Variants in PCDHGA6 observed in about 807,000 individuals in gnomAD.
PCDHGA6 encodes protocadherin gamma-A6.
Under a neutral mutation model 60.6 loss-of-function variants are expected in PCDHGA6, and 41 were observed. That is an observed-to-expected ratio of 0.68 (90% CI 0.53 to 0.88). The LOEUF (loss-of-function observed/expected upper bound fraction) is 0.88. Ranked by LOEUF, PCDHGA6 falls within the 40% of genes least tolerant of loss-of-function variation. PCDHGA6 has a pLI of 0.00. For missense variants in PCDHGA6, 1,312 were observed against 1,203.0 expected, an observed-to-expected ratio of 1.09 and a Z score of -1.34; for synonymous variants, 594 against 524.4, an observed-to-expected ratio of 1.13 and a Z score of -1.81.
In PCDHGA6 at chr5:141,476,622, T is replaced by C. The variant is rs1480639256; in HGVS notation, c.2425-18185T>C. The C allele has an allele frequency of 6.2e-7, 1 of 1,614,238 alleles. No individual in the cohort carries two copies. The highest frequency in any genetic ancestry group is 2.2e-5 in the East Asian group (1 of 44,878). On this transcript the variant is annotated intron_variant, in intron 1 of 3. Transcript: ENST00000517434. This position sits in a 1 kb window ranked among gnomAD's most constrained non-coding sequence, Gnocchi z 7.6. ...GATCCCGATGTGGGAAGCAACTCTT[T>C]ACAAACCTATGAGCTGAGCCGAAAT...
intron 1 of PCDHGA6, chr5:141,423,413 C>T (rs757696505): frequency 2.5e-6 from 4 of 1,614,022 alleles, no homozygotes; most frequent in South Asian, 2.2e-5. Flanking sequence ...CTGCAGGCTT[C>T]TGAAGGCGGG....
chr5:141,377,469 A>G (rs6896353), intron 1 of PCDHGA6: 23,351 of 151,970 alleles, frequency 0.15, 2,565 homozygotes, highest in African/African-American at 0.32. Context: ...TGTGGCGTAC[A>G]CCTGTAGTCC....
intron 1 of PCDHGA6, among the ~76,000 whole-genome samples, chr5:141,450,572 T>C (rs1276283357): frequency 6.6e-6 from 1 of 151,710 alleles, no homozygotes; most frequent in Non-Finnish European, 1.5e-5. Context: ...CTGCAACTTC[T>C]GCCTCCCAGG....
intron 1 of PCDHGA6, chr5:141,385,778 T>C (rs2150299874): frequency 6.2e-6 from 1 of 161,798 alleles, no homozygotes; most frequent in East Asian, 1.9e-4. Context: ...TGCCTCCATG[T>C]ACCTCAGCTT....
chr5:141,422,259 C>T (rs751340056), intron 1 of PCDHGA6: 2 of 1,565,034 alleles, frequency 1.3e-6, no homozygotes, highest in Non-Finnish European at 1.7e-6. Flanking sequence ...TGAATGATAA[C>T]GCTCCAGAAA....
chr5:141,502,084 G>A (rs1438350526), intron 2 of PCDHGA6, among the ~76,000 whole-genome samples: 1 of 152,154 alleles, frequency 6.6e-6, no homozygotes, highest in African/African-American at 2.4e-5. Context: ...CTGGGGCTGA[G>A]AACACCTGGC....
In PCDHGA6 at chr5:141,476,149, A is replaced by T. The variant is rs1042362185; in HGVS notation, c.2425-18658A>T. The stretch of plus-strand genomic sequence containing the variant: ...CAGAGGCCTGGAGGAGCGGACTGGT[A>T]AGCACCGGGAGGGTAGTGGGAGTTT... On this transcript the variant is annotated intron_variant, in intron 1 of 3. Transcript: ENST00000517434. This position sits in a 1 kb window ranked among gnomAD's most constrained non-coding sequence, Gnocchi z 7.6. 4 of 1,611,688 alleles carry T rather than the reference A, an allele frequency of 2.5e-6. No individual in the cohort carries two copies. In the African/African-American group the frequency reaches 5.3e-5, roughly 22 times the overall value.
intron 1 of PCDHGA6, among the ~76,000 whole-genome samples, chr5:141,406,925 GTAT>G (rs2094866637): frequency 6.6e-6 from 1 of 152,150 alleles, no homozygotes; most frequent in South Asian, 2.1e-4. Flanking sequence ...AGAGAATAAT[GTAT>G]TATTTAATGT....
chr5:141,386,921 A>G (rs2090747482), intron 1 of PCDHGA6, among the ~76,000 whole-genome samples: 1 of 152,228 alleles, frequency 6.6e-6, no homozygotes. Flanking sequence ...GGAATGTAAA[A>G]TAAGTGCAGA....
At position 141,490,207 on chromosome 5, in the gene PCDHGA6, C is replaced by T. The variant is rs142098675; in HGVS notation, c.2425-4600C>T. On this transcript the variant is annotated intron_variant, in intron 1 of 3. Transcript: ENST00000517434. This position sits in a 1 kb window ranked among gnomAD's most constrained non-coding sequence, Gnocchi z 5.4. ...TTTCTATGAAATTCATGCAAGAGCC[C>T]GTGACCAGGGACAGCCTGCCATGGA... 41 of 1,614,056 alleles carry T rather than the reference C, an allele frequency of 2.5e-5. No homozygotes were observed. The highest frequency in any genetic ancestry group is 3.3e-4 in the Middle Eastern group (2 of 6,084).
At chr5:141,428,147 G>C (rs771536400) in intron 1 of PCDHGA6, 1 of 1,589,612 alleles carries the variant, frequency 6.3e-7, no homozygotes, top group Admixed American at 1.7e-5. Flanking sequence ...GGCTGCACAC[G>C]GGAACCTGCT....
At chr5:141,463,338 G>A (rs1005543705) in intron 1 of PCDHGA6, among the ~76,000 whole-genome samples, 2 of 150,742 alleles carry the variant, frequency 1.3e-5, no homozygotes, top group African/African-American at 2.4e-5. Flanking sequence ...CAAAACCATG[G>A]TGTTATTCTT....
chr5:141,383,563 C>A, intron 1 of PCDHGA6: 2 of 1,613,150 alleles, frequency 1.2e-6, no homozygotes, highest in Non-Finnish European at 1.7e-6. Context: ...CGACCCGCCC[C>A]GATCCAGCAC....
At chr5:141,425,822 A>G (rs1257213242) in intron 1 of PCDHGA6, among the ~76,000 whole-genome samples, 1 of 152,240 alleles carries the variant, frequency 6.6e-6, no homozygotes, top group Non-Finnish European at 1.5e-5. Context: ...GAAAAAAACA[A>G]ACTTTTAAAT....
intron 1 of PCDHGA6, among the ~76,000 whole-genome samples, chr5:141,471,791 A>C (rs904614629): frequency 1.3e-5 from 2 of 152,238 alleles, no homozygotes; most frequent in Admixed American, 1.3e-4. Context: ...ATGCTATGTC[A>C]TATAAAAGAC....
intron 1 of PCDHGA6, among the ~76,000 whole-genome samples, chr5:141,450,976 C>T (rs2098702750): frequency 6.6e-6 from 1 of 152,032 alleles, no homozygotes; most frequent in Admixed American, 6.6e-5. Flanking sequence ...AGGCATGTGC[C>T]ACCACACCCG....
Position 141,487,070 on chromosome 5 carries a change from C to A in PCDHGA6, c.2425-7737C>A, listed in dbSNP as rs1365482479. The A allele has an allele frequency of 6.2e-7, 1 of 1,614,036 alleles. No individual in the cohort carries two copies. The highest frequency in any genetic ancestry group is 8.5e-7 in the Non-Finnish European group (1 of 1,180,016). ...TGCTGGGGAGGTGCGGACGGCTGTT[C>A]CTATCCCAGCTGACCTCCCACCACA... is the stretch of plus-strand genomic sequence containing the variant. On this transcript the variant is annotated intron_variant, in intron 1 of 3. Coordinates refer to ENST00000517434, the MANE Select transcript of PCDHGA6 (RefSeq NM_018919.3). The surrounding 1 kb of genome is among the most constrained non-coding windows in gnomAD (Gnocchi z 5.0).
intron 1 of PCDHGA6, among the ~76,000 whole-genome samples, chr5:141,386,684 T>A (rs1216561775): frequency 6.6e-6 from 1 of 152,098 alleles, no homozygotes; most frequent in African/African-American, 2.4e-5. Flanking sequence ...AGATGTACAA[T>A]CACTTGGGGT....
intron 1 of PCDHGA6, chr5:141,405,039 C>T (rs1227328278): frequency 1.2e-6 from 2 of 1,613,880 alleles, no homozygotes; most frequent in Non-Finnish European, 1.7e-6. Flanking sequence ...CTCGTTGTGG[C>T]TGTGGCAGTC....
Sources: allele counts gnomAD v4.1 joint callset (sites outside exome capture counted in the v4.1 genomes callset), GRCh38; gene constraint gnomAD v4.1.1; non-coding constraint Gnocchi (gnomAD v3.1); transcripts MANE v1.5; gene names NCBI Gene and HGNC (gene_info 2026-07-23, HGNC 2026-07-21).